Variants in VNN1 observed in about 807,000 individuals in gnomAD.
VNN1 encodes the protein pantetheinase.
In VNN1, 29 loss-of-function variants were observed where a neutral mutation model predicts 41.9. The ratio of observed to expected loss-of-function variants is 0.69; its 90% CI spans 0.52 to 0.94. VNN1 has a LOEUF of 0.94. Ranked by LOEUF, VNN1 falls within the 40% of genes least tolerant of loss-of-function variation. The pLI, the probability that VNN1 is intolerant of heterozygous loss-of-function variation, is 0.00. For missense variants in VNN1, 637 were observed against 621.1 expected (o/e 1.03, Z -0.27); for synonymous variants, 233 against 224.4 (o/e 1.04, Z -0.34).
rs772250773 is a variant in VNN1, at chr6:132,713,892, C to T, written c.144G>A (p.Glu48=). The part of the protein sequence containing the change: ...NATLTPVSRE[E]ALALMNRNLD... ...GATTCCGATTCATTAATGCCAAAGC[C>T]TCCTCACGAGACACTGGTGTTAGGG... The change falls in exon 1 of 7, where the codon GAG becomes GAA. Residue 48 remains glutamate (E), a synonymous_variant. Coordinates refer to ENST00000367928, the MANE Select transcript of VNN1 (RefSeq NM_004666.3). 3 of 1,613,842 alleles carry T rather than the reference C, an allele frequency of 1.9e-6. No homozygotes were observed. Among genetic ancestry groups the T allele is most frequent in the African/African-American group, 1.3e-5 (1 of 74,912 alleles).
intron 4 of VNN1, 24 bp from the exon 5 acceptor site, chr6:132,692,608 T>A (rs755269975): frequency 1.3e-6 from 2 of 1,530,276 alleles, no homozygotes; most frequent in South Asian, 1.3e-5. Flanking sequence ...GTTGAAAACA[T>A]CATTTGAAAT....
chr6:132,694,016 C>T lies in VNN1; in HGVS notation c.508G>A (p.Gly170Arg). The stretch of plus-strand genomic sequence containing the variant: ...TTATGGTAGCGTGCCACCAGTTTTC[C>T]TTGAGAATCAAATACCACATCAGTG... ...YNTDVVFDSQ[G>R]KLVARYHKQN... Residue 170 changes from glycine to arginine, a missense_variant, in exon 3 of 7, where the codon GGA becomes AGA. By Grantham distance (125) the Gly-to-Arg change is moderately radical. Coordinates refer to ENST00000367928, the MANE Select transcript of VNN1 (RefSeq NM_004666.3). 1 of 1,614,096 alleles carries T rather than the reference C, an allele frequency of 6.2e-7. No homozygotes were observed. The highest frequency in any genetic ancestry group is 8.5e-7 in the Non-Finnish European group (1 of 1,179,998).
At position 132,684,446 on chromosome 6, in the gene VNN1, T is replaced by C; in HGVS notation, c.1248A>G (p.Glu416=). 2 of 1,614,108 alleles carry C rather than the reference T, an allele frequency of 1.2e-6. No homozygotes were observed. The highest frequency in any genetic ancestry group is 4.5e-5 in the East Asian group (2 of 44,850). ...TNLNTCGDSA[E]TASTRFEMFS... is the part of the protein sequence containing the mutation. Reference sequence around the variant, plus strand: ...ACATTTCAAACCTGGTAGAAGCTGTTTCAGCTGAGTCACCGCAAGTGTTTA... The same window carrying C: ...ACATTTCAAACCTGGTAGAAGCTGTCTCAGCTGAGTCACCGCAAGTGTTTA... Residue 416 remains glutamate, a synonymous_variant, in exon 6 of 7, where the codon GAA becomes GAG. Coordinates refer to ENST00000367928, the MANE Select transcript of VNN1 (RefSeq NM_004666.3).
chr6:132,701,428 C>T (rs1013879584), intron 2 of VNN1, among the ~76,000 whole-genome samples: 6 of 152,276 alleles, frequency 3.9e-5, no homozygotes. Context: ...ATGTCAGCAC[C>T]TACAGCTAAC....
At position 132,699,067 on chromosome 6, in the gene VNN1, T is replaced by C. The variant is rs1271703796; in HGVS notation, c.342-4885A>G. ...TGCAGCCCAAGCACCTTGGATGTGT[T>C]GAACTGAGCTTCTTCTATTCGGCTG... On this transcript the variant is annotated intron_variant, in intron 2 of 6. Transcript: ENST00000367928. The C allele has an allele frequency of 1.1e-5, 3 of 261,578 alleles. No individual in the cohort carries two copies. The East Asian group carries it at 3.3e-4, about 29-fold the overall frequency. 16.2% of individuals were successfully genotyped at this position (261,578 alleles called of 1,614,324 possible).
intron 2 of VNN1, among the ~76,000 whole-genome samples, chr6:132,701,714 A>G (rs77020716): frequency 0.075 from 11,353 of 152,270 alleles, 426 homozygotes; most frequent in East Asian, 0.11. Context: ...TAATCACAGT[A>G]CCTTGTTTTA....
At chr6:132,694,409 G>A (rs894048533) in intron 2 of VNN1, among the ~76,000 whole-genome samples, 3 of 152,124 alleles carry the variant, frequency 2.0e-5, no homozygotes, top group Admixed American at 6.5e-5. Context: ...TCCAGACCAC[G>A]TATTTTTTCT....
chr6:132,686,009 AT>A (rs1778201981), intron 5 of VNN1, among the ~76,000 whole-genome samples: 2 of 152,108 alleles, frequency 1.3e-5, no homozygotes, highest in South Asian at 4.2e-4. Flanking sequence ...GTCAGCAAGG[AT>A]TTATCTTTCA....
intron 2 of VNN1, among the ~76,000 whole-genome samples, chr6:132,694,579 G>T (rs530345793): frequency 1.3e-5 from 2 of 152,182 alleles, no homozygotes; most frequent in East Asian, 3.9e-4. Flanking sequence ...CTTGGGGTGG[G>T]TGTGGTTGCT....
chr6:132,692,439 T>C lies in VNN1; in HGVS notation c.972A>G (p.Glu324=). ...VNWTSYASSI[E]ALSSGNKEFK... Reference sequence around the variant, plus strand: ...ATTCCTTGTTTCCTGATGAGAGCGCTTCTATACTGCTGGCATAGGAAGTCC... The same window carrying C: ...ATTCCTTGTTTCCTGATGAGAGCGCCTCTATACTGCTGGCATAGGAAGTCC... The change falls in exon 5 of 7, where the codon GAA becomes GAG. Residue 324 remains glutamate (E), a synonymous_variant. Transcript: ENST00000367928. The C allele has an allele frequency of 1.9e-6, 3 of 1,614,166 alleles. No homozygotes were observed. The South Asian group carries it at 3.3e-5, about 18-fold the overall frequency.
chr6:132,701,603 C>T (rs1241376628), intron 2 of VNN1, among the ~76,000 whole-genome samples: 1 of 152,138 alleles, frequency 6.6e-6, no homozygotes, highest in Non-Finnish European at 1.5e-5. Flanking sequence ...AGGAAGATGG[C>T]CAAATAGAAC....
chr6:132,692,520 T>C lies in VNN1; in HGVS notation c.891A>G (p.Gly297=), dbSNP rs750521386. The C allele has an allele frequency of 7.4e-6, 12 of 1,611,616 alleles. No individual in the cohort carries two copies. Among genetic ancestry groups the C allele is most frequent in the Non-Finnish European group, 1.0e-5 (12 of 1,179,952 alleles). ...AATCCAGTTGCGAGAGGAGGAGTTT[T>C]CCCTCTTCTGTCTTCATATCATAAT... The part of the protein sequence containing the change: ...AFHYDMKTEE[G]KLLLSQLDSH... The change falls in exon 5 of 7, where the codon GGA becomes GGG. Residue 297 remains glycine, a synonymous_variant. Coordinates refer to ENST00000367928, the MANE Select transcript of VNN1 (RefSeq NM_004666.3).
rs763165427 is a variant in VNN1, at chr6:132,683,210, C to T, written c.1472G>A (p.Gly491Asp). 1.2e-6 allele frequency: 2 copies of T among 1,614,080 alleles called. No individual in the cohort carries two copies. Among genetic ancestry groups the T allele is most frequent in the Non-Finnish European group, 8.5e-7 (1 of 1,180,006 alleles). Reference sequence around the variant, plus strand: ...TATTATTCTTGCTTGTGCTGTGAGGCCTGATGAAGCATTTGATGCCCAGTC... The same window carrying T: ...TATTATTCTTGCTTGTGCTGTGAGGTCTGATGAAGCATTTGATGCCCAGTC... Reference protein sequence around the residue: ...EKDWASNASSGLTAQARIIML... With the variant: ...EKDWASNASSDLTAQARIIML... Residue 491 changes from glycine to aspartate, a missense_variant, in exon 7 of 7, where the codon GGC becomes GAC. Coordinates refer to ENST00000367928, the MANE Select transcript of VNN1 (RefSeq NM_004666.3).
At chr6:132,713,052 C>T (rs1422245222) in intron 1 of VNN1, among the ~76,000 whole-genome samples, 1 of 152,108 alleles carries the variant, frequency 6.6e-6, no homozygotes, top group Non-Finnish European at 1.5e-5. Context: ...GGAGAATCAC[C>T]TGAGCCCGGG....
At chr6:132,689,355 T>G (rs1778251242) in intron 5 of VNN1, among the ~76,000 whole-genome samples, 1 of 152,132 alleles carries the variant, frequency 6.6e-6, no homozygotes, top group Admixed American at 6.6e-5. Flanking sequence ...TCTCTTCTTC[T>G]TGTCTCAGAT....
Position 132,693,130 on chromosome 6 carries a change from A to G in VNN1, c.720T>C (p.Asn240=), listed in dbSNP as rs377120446. 1.2e-5 allele frequency: 19 copies of G among 1,614,014 alleles called. No homozygotes were observed. The highest frequency in any genetic ancestry group is 1.7e-5 in the Admixed American group (1 of 59,994). ...DTIVFPTAWM[N]VLPHLSAVEF... ...CAACAGCTGACAAATGTGGCAAAAC[A>G]TTCATCCAAGCTGTTGGGAATACTA... The change falls in exon 4 of 7, where the codon AAT becomes AAC. Residue 240 remains asparagine (N), a synonymous_variant. Coordinates refer to ENST00000367928, the MANE Select transcript of VNN1 (RefSeq NM_004666.3).
rs61729579 is a variant in VNN1, at chr6:132,694,000, C to T, written c.524G>A (p.Arg175His). The T allele has an allele frequency of 1.4e-5, 23 of 1,613,940 alleles. No homozygotes were observed. The highest frequency in any genetic ancestry group is 5.3e-5 in the African/African-American group (4 of 74,904). ...GCAAATTAATTTTACCTTATGGTAG[C>T]GTGCCACCAGTTTTCCTTGAGAATC... Reference protein sequence around the residue: ...VFDSQGKLVARYHKQNLFMGE... With the variant: ...VFDSQGKLVAHYHKQNLFMGE... Residue 175 changes from arginine (R) to histidine (H), a missense_variant, in exon 3 of 7, where the codon CGC becomes CAC. Arg to His is a conservative substitution (Grantham distance 29). Transcript: ENST00000367928.
In VNN1 at chr6:132,683,230, C is replaced by A; in HGVS notation, c.1452G>T (p.Trp484Cys). The change falls in exon 7 of 7, where the codon TGG (tryptophan) becomes TGT (cysteine). Residue 484 changes from tryptophan to cysteine, a missense_variant. Coordinates refer to ENST00000367928, the MANE Select transcript of VNN1 (RefSeq NM_004666.3). ...TGAGGCCTGATGAAGCATTTGATGC[C>A]CAGTCCTTCTCATACAACCTCCCAA... ...TLFGRLYEKDWASNASSGLTA... is the reference protein window; with the variant it reads ...TLFGRLYEKDCASNASSGLTA... The A allele has an allele frequency of 6.2e-7, 1 of 1,614,044 alleles. No individual in the cohort carries two copies. Among genetic ancestry groups the A allele is most frequent in the South Asian group, 1.1e-5 (1 of 91,076 alleles).
chr6:132,697,446 C>G, intron 2 of VNN1, among the ~76,000 whole-genome samples: 1 of 152,080 alleles, frequency 6.6e-6, no homozygotes, highest in African/African-American at 2.4e-5. Context: ...AATCCTGGAG[C>G]ATTTGTTAAT....
Sources: allele counts gnomAD v4.1 joint callset (sites outside exome capture counted in the v4.1 genomes callset), GRCh38; gene constraint gnomAD v4.1.1; transcripts MANE v1.5; gene names NCBI Gene and HGNC (gene_info 2026-07-23, HGNC 2026-07-21).